ARHGEF4: variants seen among roughly 807,000 people sequenced by gnomAD.
ARHGEF4 encodes the protein Rho guanine nucleotide exchange factor 4.
In ARHGEF4, 119 loss-of-function variants were observed where a neutral mutation model predicts 162.0. The ratio of observed to expected loss-of-function variants is 0.73; its 90% confidence interval spans 0.63 to 0.86. The LOEUF is 0.86. ARHGEF4 is among the 40% of genes least tolerant of loss of function. The pLI, the probability that ARHGEF4 is intolerant of heterozygous loss-of-function variation, is 0.00. For synonymous variants in ARHGEF4, 1,014 were observed against 979.9 expected, an observed-to-expected ratio of 1.03 and a Z score of -0.65; for missense variants, 2,488 against 2,456.0, an observed-to-expected ratio of 1.01 and a Z score of -0.28.
intron 1 of ARHGEF4, among the ~76,000 whole-genome samples, chr2:130,864,996 C>G (rs1268059450): frequency 6.6e-6 from 1 of 152,306 alleles, no homozygotes; most frequent in African/African-American, 2.4e-5. Flanking sequence ...GCCAGTACTT[C>G]CTGAACGTTT....
At chr2:130,939,508 A>C (rs541066324) in intron 3 of ARHGEF4, among the ~76,000 whole-genome samples, 49 of 152,248 alleles carry the variant, frequency 3.2e-4, no homozygotes, top group South Asian at 2.1e-3. Context: ...CTGAGCCTTC[A>C]TGTTGATTAG....
chr2:130,901,004 C>T (rs1680457243), intron 1 of ARHGEF4, among the ~76,000 whole-genome samples: 1 of 152,062 alleles, frequency 6.6e-6, no homozygotes, highest in Admixed American at 6.6e-5. Flanking sequence ...AATCCTGACC[C>T]ACAGGATAGA....
At chr2:130,889,644 C>G (rs2104984321) in intron 1 of ARHGEF4, among the ~76,000 whole-genome samples, 1 of 151,446 alleles carries the variant, frequency 6.6e-6, no homozygotes, top group Non-Finnish European at 1.5e-5. Flanking sequence ...AACCCCATCT[C>G]TACTAAAAAT....
At chr2:130,888,176 T>C (rs1220584641) in intron 1 of ARHGEF4, among the ~76,000 whole-genome samples, 1 of 152,064 alleles carries the variant, frequency 6.6e-6, no homozygotes, top group African/African-American at 2.4e-5. Context: ...CTAACTTCTT[T>C]AAAAAAATGC....
At chr2:131,027,713 G>A (rs1181534554) in intron 4 of ARHGEF4, among the ~76,000 whole-genome samples, 2 of 152,214 alleles carry the variant, frequency 1.3e-5, no homozygotes, top group African/African-American at 4.8e-5. Context: ...CCAAGTTGCT[G>A]TAGACTGGGT....
chr2:130,890,698 G>A (rs1048260852), intron 1 of ARHGEF4, among the ~76,000 whole-genome samples: 3 of 152,030 alleles, frequency 2.0e-5, no homozygotes, highest in African/African-American at 7.2e-5. Context: ...GAGTTTCTAA[G>A]CCTTTTATCG....
chr2:130,851,918 A>G (rs1182223629), intron 1 of ARHGEF4, among the ~76,000 whole-genome samples: 1 of 152,240 alleles, frequency 6.6e-6, no homozygotes, highest in Non-Finnish European at 1.5e-5. Flanking sequence ...TTGGTGCTTA[A>G]CTGTCCTGAA....
chr2:130,856,885 G>A (rs1470888290), intron 1 of ARHGEF4, among the ~76,000 whole-genome samples: 1 of 152,200 alleles, frequency 6.6e-6, no homozygotes, highest in East Asian at 1.9e-4. Context: ...TTAGCAGGTG[G>A]CAACCCAAAT....
intron 5 of ARHGEF4, among the ~76,000 whole-genome samples, chr2:131,031,737 C>T (rs534628348): frequency 6.6e-6 from 1 of 152,314 alleles, no homozygotes; most frequent in South Asian, 2.1e-4. Context: ...AGCACTGGCC[C>T]CTCTAGGGCC....
intron 4 of ARHGEF4, among the ~76,000 whole-genome samples, chr2:130,954,309 A>G (rs1256067907): frequency 6.6e-6 from 1 of 152,232 alleles, no homozygotes; most frequent in Non-Finnish European, 1.5e-5. Context: ...AAGAACAGAA[A>G]ACCAAACACT....
At chr2:130,901,614 G>A (rs1364625684) in intron 1 of ARHGEF4, among the ~76,000 whole-genome samples, 3 of 151,616 alleles carry the variant, frequency 2.0e-5, no homozygotes, top group Non-Finnish European at 2.9e-5. Context: ...TCTGCCTCCC[G>A]GGTTCAAGTG....
At chr2:131,044,622 A>G in intron 12 of ARHGEF4, 80 bp downstream of exon 12, 5 of 1,497,278 alleles carry the variant, frequency 3.3e-6, no homozygotes, top group Non-Finnish European at 4.5e-6. Context: ...GCCGGTCAGG[A>G]GAGCGCCGCT....
At position 130,916,704 on chromosome 2, in the gene ARHGEF4, A is replaced by T; in HGVS notation, c.2758A>T (p.Ile920Phe). ...GGCTCATAAGACCTTTTCAAACTTTATTGAGTCAATAGTTCTAGAGAAAGA... is the reference window on the plus strand; with the variant it reads ...GGCTCATAAGACCTTTTCAAACTTTTTTGAGTCAATAGTTCTAGAGAAAGA... ...ALAHKTFSNF[I>F]ESIVLEKENT... is the part of the protein sequence containing the mutation. Residue 920 changes from isoleucine (I) to phenylalanine (F), a missense_variant, in exon 2 of 14, where the codon ATT becomes TTT. Transcript: ENST00000409359. 6.4e-7 allele frequency: 1 copy of T among 1,550,654 alleles called. No individual in the cohort carries two copies. Among genetic ancestry groups the T allele is most frequent in the Admixed American group, 2.0e-5 (1 of 51,016 alleles).
chr2:130,971,230 T>G (rs6738499), intron 4 of ARHGEF4, among the ~76,000 whole-genome samples: 7,236 of 152,348 alleles, frequency 0.047, 191 homozygotes, highest in Middle Eastern at 0.071. Context: ...ATATTTGTGT[T>G]GGTCTATTTC....
At position 130,914,155 on chromosome 2, in the gene ARHGEF4, C is replaced by G. The variant is rs1369059580; in HGVS notation, c.209C>G (p.Pro70Arg). The G allele has an allele frequency of 6.5e-7, 1 of 1,535,978 alleles. No homozygotes were observed. The highest frequency in any genetic ancestry group is 1.4e-5 in the African/African-American group (1 of 73,030). The change falls in exon 2 of 14, where the codon CCC (proline) becomes CGC (arginine). Residue 70 changes from proline to arginine, a missense_variant. Around this residue, in one of 6 missense-constraint regions of ARHGEF4, gnomAD observed 171 missense variants for 169.4 expected, o/e 1.01. Transcript: ENST00000409359. ...AGTGGATCAGACACAAAAACTGACC[C>G]CTTTGAAAGTGCCTCTGACACAGAG... ...SESGSDTKTD[P>R]FESASDTESL... is the part of the protein sequence containing the mutation.
At position 130,916,835 on chromosome 2, in the gene ARHGEF4, C is replaced by G; in HGVS notation, c.2889C>G (p.Ser963Arg). ...TTCTGAAAAGCAAAGATGCCGGAAG[C>G]CCCAAAAAGCCCACCCTAGTGAGTC... Reference protein sequence around the residue: ...RAFLKSKDAGSPKKPTLVSLP... With the variant: ...RAFLKSKDAGRPKKPTLVSLP... The change falls in exon 2 of 14, where the codon AGC (serine) becomes AGG (arginine). Residue 963 changes from serine to arginine, a missense_variant. Physicochemically the swap from Ser to Arg is moderately radical, Grantham distance 110. This residue lies in a region of ARHGEF4 where 1,642 missense variants were observed against 1,481.5 expected (regional missense o/e 1.11). Coordinates refer to ENST00000409359, the MANE Select transcript of ARHGEF4 (RefSeq NM_001367493.1). 1.3e-6 allele frequency: 2 copies of G among 1,550,388 alleles called. No homozygotes were observed. Among genetic ancestry groups the G allele is most frequent in the Non-Finnish European group, 1.7e-6 (2 of 1,146,988 alleles).
At chr2:130,867,798 G>A (rs1247265143) in intron 1 of ARHGEF4, among the ~76,000 whole-genome samples, 1 of 152,058 alleles carries the variant, frequency 6.6e-6, no homozygotes, top group Non-Finnish European at 1.5e-5. Flanking sequence ...CATCCTTCAC[G>A]TTCCAGCCTT....
intron 4 of ARHGEF4, among the ~76,000 whole-genome samples, chr2:130,997,291 C>T (rs1160549935): frequency 6.6e-6 from 1 of 152,164 alleles, no homozygotes; most frequent in Non-Finnish European, 1.5e-5. Context: ...GTTGTTATTG[C>T]TGGTGTAATT....
chr2:130,890,917 G>A (rs555200981), intron 1 of ARHGEF4, among the ~76,000 whole-genome samples: 13 of 152,282 alleles, frequency 8.5e-5, no homozygotes, highest in Middle Eastern at 3.4e-3. Context: ...ATGCTTGTCT[G>A]TGGGTCTCTT....
Sources: gnomAD v4.1 joint callset for allele counts (sites outside exome capture counted in the v4.1 genomes callset) on GRCh38, gnomAD v4.1.1 for gene constraint, gnomAD v4.1.1 regional missense constraint, MANE v1.5 for transcripts, NCBI Gene and HGNC (gene_info 2026-07-23, HGNC 2026-07-21) for gene names.